The following PTPRT variants were observed in gnomAD, a reference collection of about 807,000 sequenced individuals.
The protein encoded by PTPRT is receptor-type tyrosine-protein phosphatase T.
Under a neutral mutation model 176.8 loss-of-function variants are expected in PTPRT, and 56 were observed. The ratio of observed to expected loss-of-function variants is 0.32; its 90% CI spans 0.26 to 0.40. The LOEUF (loss-of-function observed/expected upper bound fraction) is 0.40. PTPRT is among the 10% of genes least tolerant of loss of function. The probability of loss-of-function intolerance (pLI) is 1.00; values close to 1 mark genes in which losing one functional copy is unlikely to be tolerated. For missense variants in PTPRT, 1,540 were observed against 1,908.2 expected (o/e 0.81, Z 3.60); for synonymous variants, 783 against 739.0 (o/e 1.06, Z -0.96).
chr20:43,130,775 G>A (rs1408426131), intron 1 of PTPRT, among the ~76,000 whole-genome samples: 2 of 119,954 alleles, frequency 1.7e-5, no homozygotes, highest in Non-Finnish European at 3.6e-5. Flanking sequence ...AGGCAAACAC[G>A]AAAATGTAAC....
In PTPRT at chr20:42,352,229, C is replaced by G. The variant is rs772074538; in HGVS notation, c.1617G>C (p.Arg539Ser). ...CATTCCGGAGCTTGAACACTTTCCC[C>G]CTCTGGCTCGAGAGGTCAGCACTTG... ...LDPSADLSSQ[R>S]GKVFKLRNET... is the part of the protein sequence containing the mutation. Residue 539 changes from arginine (R) to serine (S), a missense_variant, in exon 10 of 31, where the codon AGG becomes AGC. By Grantham distance (110) the Arg-to-Ser change is moderately radical (BLOSUM62 -1). Coordinates refer to ENST00000373187, the MANE Select transcript of PTPRT (RefSeq NM_007050.6). 3 of 1,614,156 alleles carry G rather than the reference C, an allele frequency of 1.9e-6. No individual in the cohort carries two copies. The highest frequency in any genetic ancestry group is 2.5e-6 in the Non-Finnish European group (3 of 1,180,028).
At position 42,633,818 on chromosome 20, in the gene PTPRT, TA is replaced by T. The variant is rs1405505337; in HGVS notation, c.1153+44047del. On this transcript the variant is annotated intron_variant, in intron 7 of 30. Transcript: ENST00000373187. ...ATATATATATATATATATATATATA[TA>T]ATAAAATATTAATATATTATAATAA... Among the ~76,000 whole-genome samples, 176 of 57,702 alleles carry T rather than the reference TA, an allele frequency of 3.1e-3. 7 individuals are homozygous for T. The highest frequency in any genetic ancestry group is 0.014 in the African/African-American group (168 of 12,310). 37.9% of individuals were successfully genotyped at this position (57,702 alleles called of 152,430 possible).
intron 9 of PTPRT, among the ~76,000 whole-genome samples, chr20:42,368,371 G>A (rs764925222): frequency 2.0e-5 from 3 of 152,112 alleles, no homozygotes; most frequent in Admixed American, 1.3e-4. Context: ...AGTGCTCTCC[G>A]AAAATGGGAG....
Position 42,756,632 on chromosome 20 carries a change from C to T in PTPRT, c.689G>A (p.Trp230Ter). The T allele has an allele frequency of 6.3e-7, 1 of 1,586,504 alleles. No homozygotes were observed. The highest frequency in any genetic ancestry group is 8.6e-7 in the Non-Finnish European group (1 of 1,162,422). Residue 230 changes from tryptophan (W) to a stop codon, truncating the protein, a stop_gained, in exon 6 of 31, where the codon TGG becomes TAG. Transcript: ENST00000373187. LOFTEE classifies it high-confidence loss of function. Reference protein sequence around the residue: ...SQHDKLWLQQWNGRDTALMVT... With the variant: ...SQHDKLWLQQ ...CATCAGGGCCGTGTCCCTGCCATTC[C>T]ATTGCTGCAGAACAGAGGAAGAGAG... is the stretch of plus-strand genomic sequence containing the variant.
chr20:43,175,264 G>T (rs1163398040), intron 1 of PTPRT, among the ~76,000 whole-genome samples: 1 of 152,214 alleles, frequency 6.6e-6, no homozygotes, highest in Non-Finnish European at 1.5e-5. Context: ...CTGTTCAAAT[G>T]TCTCCCTGTG....
chr20:42,999,748 A>G (rs1984446133), intron 1 of PTPRT, among the ~76,000 whole-genome samples: 1 of 151,942 alleles, frequency 6.6e-6, no homozygotes, highest in Non-Finnish European at 1.5e-5. Flanking sequence ...TTGTAGCTGC[A>G]GTGAGCTTTA....
chr20:42,208,668 G>T (rs1399017009), intron 15 of PTPRT, among the ~76,000 whole-genome samples: 1 of 151,880 alleles, frequency 6.6e-6, no homozygotes, highest in Non-Finnish European at 1.5e-5. Flanking sequence ...CCTACAAAGA[G>T]ACTTAGACTC....
chr20:43,116,311 T>C (rs1473154162), intron 1 of PTPRT, among the ~76,000 whole-genome samples: 2 of 152,074 alleles, frequency 1.3e-5, no homozygotes, highest in African/African-American at 4.8e-5. Context: ...CACATCTTAA[T>C]GGGGATTAAA....
At chr20:43,112,410 C>A (rs920472897) in intron 1 of PTPRT, among the ~76,000 whole-genome samples, 2 of 152,150 alleles carry the variant, frequency 1.3e-5, no homozygotes, top group Non-Finnish European at 2.9e-5. Context: ...ATGAGACGTA[C>A]CTGCTTTCAA....
chr20:42,094,924 T>C (rs544617312), intron 27 of PTPRT, among the ~76,000 whole-genome samples: 11 of 152,162 alleles, frequency 7.2e-5, no homozygotes, highest in Admixed American at 3.3e-4. Flanking sequence ...CACTGTGTTG[T>C]CCAGGATGGT....
At chr20:43,106,460 C>A (rs1408861446) in intron 1 of PTPRT, among the ~76,000 whole-genome samples, 3 of 151,934 alleles carry the variant, frequency 2.0e-5, no homozygotes, top group Non-Finnish European at 4.4e-5. Context: ...GAGTTCGAAC[C>A]AACCTGGCCA....
chr20:43,103,720 T>C (rs1032723708), intron 1 of PTPRT, among the ~76,000 whole-genome samples: 1 of 150,194 alleles, frequency 6.7e-6, no homozygotes. Flanking sequence ...AAAATCTTAT[T>C]TCATTTCATT....
chr20:42,641,926 C>T (rs1008914112), intron 7 of PTPRT, among the ~76,000 whole-genome samples: 4 of 152,124 alleles, frequency 2.6e-5, no homozygotes, highest in South Asian at 2.1e-4. Context: ...TCTTAGAGTG[C>T]CCTCTTCCAA....
rs767099370 is a variant in PTPRT, at chr20:42,115,138, G to C, written c.3099+61C>G. 1.5e-4 allele frequency: 188 copies of C among 1,243,676 alleles called. 1 individual carries two copies. The highest frequency in any genetic ancestry group is 1.8e-4 in the Non-Finnish European group (156 of 844,546). The allele number at this position is 1,243,676 out of a possible 1,614,324, so 77.0% of individuals were successfully genotyped here. On this transcript the variant is annotated intron_variant, in intron 22 of 30. Transcript: ENST00000373187. ...AGACCCTCAGTTACCACATGTTCTG[G>C]ATGAACAAACAAGCTGGCTCTCATG...
Position 42,575,693 on chromosome 20 carries a change from G to A in PTPRT, c.1153+102173C>T, listed in dbSNP as rs571293737. On this transcript the variant is annotated intron_variant, in intron 7 of 30. Coordinates refer to ENST00000373187, the MANE Select transcript of PTPRT (RefSeq NM_007050.6). ...TGTTCCGAGAAAACTTACAACACTA[G>A]GCAGTGGGCCACATTTGATGCATAG... is the stretch of plus-strand genomic sequence containing the variant. 3.4e-3 allele frequency among the ~76,000 whole-genome samples: 515 copies of A among 152,240 alleles called. 2 individuals are homozygous for A. Among genetic ancestry groups the A allele is most frequent in the South Asian group, 0.018 (89 of 4,826 alleles).
chr20:42,142,819 G>C (rs1988691062), intron 17 of PTPRT, among the ~76,000 whole-genome samples: 1 of 151,964 alleles, frequency 6.6e-6, no homozygotes, highest in Admixed American at 6.5e-5. Flanking sequence ...ATTGACCTTG[G>C]GTAACTGAAA....
intron 5 of PTPRT, among the ~76,000 whole-genome samples, chr20:42,758,836 C>T (rs6072856): frequency 0.17 from 25,595 of 152,114 alleles, 2,284 homozygotes; most frequent in African/African-American, 0.2. Flanking sequence ...AGTTTCCATT[C>T]GCTTGCCCGA....
At chr20:42,168,510 T>C (rs1233503729) in intron 16 of PTPRT, among the ~76,000 whole-genome samples, 1 of 152,196 alleles carries the variant, frequency 6.6e-6, no homozygotes, top group Non-Finnish European at 1.5e-5. Context: ...GTAACAGCTC[T>C]GAAATCTAAG....
chr20:42,094,775 A>G (rs866425013), intron 27 of PTPRT, among the ~76,000 whole-genome samples: 7 of 152,250 alleles, frequency 4.6e-5, no homozygotes, highest in Middle Eastern at 3.4e-3. Context: ...CTGTAATCCC[A>G]GCTACTTGGG....
Sources: allele counts gnomAD v4.1 joint callset (sites outside exome capture counted in the v4.1 genomes callset), GRCh38; gene constraint gnomAD v4.1.1; transcripts MANE v1.5; gene names NCBI Gene and HGNC (gene_info 2026-07-23, HGNC 2026-07-21).